SEMG2: variants seen among roughly 807,000 people sequenced by gnomAD.
SEMG2 encodes the protein semenogelin 2.
Under a neutral mutation model 8.1 loss-of-function variants are expected in SEMG2, and 3 were observed. The observed-to-expected ratio is 0.37, with a 90% CI of 0.17 to 0.96. The LOEUF is 0.96. Ranked by LOEUF, SEMG2 falls within the 40% of genes least tolerant of loss-of-function variation. The pLI is 0.41. For missense variants in SEMG2, 726 were observed against 671.2 expected (o/e 1.08, Z -0.90); for synonymous variants, 252 against 231.4 (o/e 1.09, Z -0.81).
In SEMG2 at chr20:45,222,523, A is replaced by G. The variant is rs769763385; in HGVS notation, c.891A>G (p.Gln297=). The G allele has an allele frequency of 1.7e-5, 28 of 1,613,840 alleles. No individual in the cohort carries two copies. The highest frequency in any genetic ancestry group is 3.3e-4 in the Middle Eastern group (2 of 6,084). The change falls in exon 2 of 3, where the codon CAA becomes CAG. Residue 297 remains glutamine (Q), a synonymous_variant. Coordinates refer to ENST00000372769, the MANE Select transcript of SEMG2 (RefSeq NM_003008.3). ...SYPSSRTEER[Q]LHHGEKSVQK... ...CGTCTTCACGTACAGAAGAAAGACA[A>G]CTTCACCATGGAGAAAAGAGTGTAC...
chr20:45,223,841 G>T (rs1984082333), intron 2 of SEMG2, among the ~76,000 whole-genome samples: 1 of 152,090 alleles, frequency 6.6e-6, no homozygotes, highest in African/African-American at 2.4e-5. Context: ...GCACATACAT[G>T]AATGTTCTTG....
rs570583844 is a variant in SEMG2, at chr20:45,222,469, T to C, written c.837T>C (p.His279=). The C allele has an allele frequency of 1.9e-6, 3 of 1,614,028 alleles. No homozygotes were observed. In the South Asian group the frequency reaches 3.3e-5, roughly 18 times the overall value. The part of the protein sequence containing the change: ...QTKNLSQDQE[H]GRKAHKISYP... ...AAAATCTCAGTCAAGATCAAGAGCA[T>C]GGCCGGAAGGCACATAAAATATCAT... is the stretch of plus-strand genomic sequence containing the variant. Residue 279 remains histidine, a synonymous_variant, in exon 2 of 3, where the codon CAT becomes CAC. Coordinates refer to ENST00000372769, the MANE Select transcript of SEMG2 (RefSeq NM_003008.3).
intron 2 of SEMG2, among the ~76,000 whole-genome samples, chr20:45,223,712 A>T (rs1984079860): frequency 6.6e-6 from 1 of 152,202 alleles, no homozygotes; most frequent in African/African-American, 2.4e-5. Context: ...TGCACTGACT[A>T]TATATGCATA....
At position 45,221,846 on chromosome 20, in the gene SEMG2, GA is replaced by G. The variant is rs1443545422; in HGVS notation, c.215del (p.Asp72AlafsTer16). 6.2e-7 allele frequency: 1 copy of G among 1,613,946 alleles called. No homozygotes were observed. Among genetic ancestry groups the G allele is most frequent in the African/African-American group, 1.3e-5 (1 of 74,904 alleles). On this transcript the variant is annotated frameshift_variant, in exon 2 of 3. Transcript: ENST00000372769. LOFTEE classifies it low-confidence loss of function (END_TRUNC). ...TTCTATTCAACACACATATCATGTA[GA>G]CATCAATGATCATGACTGGACCCGA... Reference protein sequence around the residue: ...SFSIQHTYHVDINDHDWTRKS... With the variant: ...SFSIQHTYHVXINDHDWTRKS...
rs779257637 is a variant in SEMG2 at position 45,223,179 on chromosome 20, A to AT, written c.1548dup (p.Gln517SerfsTer17). 2 of 1,614,168 alleles carry AT rather than the reference A, an allele frequency of 1.2e-6. No individual in the cohort carries two copies. Among genetic ancestry groups the AT allele is most frequent in the Admixed American group, 3.3e-5 (2 of 60,022 alleles). On this transcript the variant is annotated frameshift_variant, in exon 2 of 3. Coordinates refer to ENST00000372769, the MANE Select transcript of SEMG2 (RefSeq NM_003008.3). LOFTEE classifies it low-confidence loss of function (END_TRUNC). ...ATCCAGACACCAAATCCTAATCAAG[A>AT]TCAATGGTCTGGCCAAAATGCAAAA...
intron 1 of SEMG2, 69 bp from the exon 2 acceptor site, chr20:45,221,640 G>C: frequency 7.0e-7 from 1 of 1,431,614 alleles, no homozygotes; most frequent in Non-Finnish European, 9.6e-7. Context: ...TTGGGAAAAG[G>C]TGGGAGGTAA....
chr20:45,223,085 A>G lies in SEMG2; in HGVS notation c.1453A>G (p.Thr485Ala), dbSNP rs756192407. The G allele has an allele frequency of 3.1e-6, 5 of 1,614,094 alleles. No homozygotes were observed. The East Asian group carries it at 1.1e-4, about 36-fold the overall frequency. Residue 485 changes from threonine (T) to alanine (A), a missense_variant, in exon 2 of 3, where the codon ACG becomes GCG. Physicochemically the swap from Thr to Ala is moderately conservative, Grantham distance 58 (BLOSUM62 0). Transcript: ENST00000372769. ...ACGACTCAACTATGGAGGAAAGAGC[A>G]CGCAGAAAGATGTATCCCAAAGCAG... ...ERRLNYGGKS[T>A]QKDVSQSSIS...
At chr20:45,221,610 T>C in intron 1 of SEMG2, 99 bp from the exon 2 acceptor site, 1 of 1,404,210 alleles carries the variant, frequency 7.1e-7, no homozygotes, top group Non-Finnish European at 9.8e-7. Context: ...CTGTAGGCTT[T>C]TGGAAATATC....
rs549903123 is a variant in SEMG2, at chr20:45,221,564, TCTC to T, written c.76+102_76+104del. 2.9e-5 allele frequency: 42 copies of T among 1,439,534 alleles called. No homozygotes were observed. In the East Asian group the frequency reaches 8.9e-4, roughly 31 times the overall value. The allele number at this position is 1,439,534 out of a possible 1,614,324, so 89.2% of individuals were successfully genotyped here. A position where few individuals can be genotyped will look rare whatever the true frequency, so the allele number is the denominator to read the frequency against. On this transcript the variant is annotated intron_variant, in intron 1 of 2. Coordinates refer to ENST00000372769, the MANE Select transcript of SEMG2 (RefSeq NM_003008.3). ...AGTAACCTGTTCAGGCACAGATTCT[TCTC>T]CTTGATGAGAATTGATTTTTCTCCA...
In SEMG2 at chr20:45,222,960, AT is replaced by A; in HGVS notation, c.1329del (p.His443GlnfsTer8). 1 of 1,614,088 alleles carries A rather than the reference AT, an allele frequency of 6.2e-7. No homozygotes were observed. ...TCTATCCAAACTGAAGAGAAAATAC[AT>A]GGCAAGTCTCAAAACCAGGTAACAA... Reference protein sequence around the residue: ...SISIQTEEKIHGKSQNQVTIP... With the variant: ...SISIQTEEKIXGKSQNQVTIP... On this transcript the variant is annotated frameshift_variant, in exon 2 of 3. Coordinates refer to ENST00000372769, the MANE Select transcript of SEMG2 (RefSeq NM_003008.3). LOFTEE classifies it low-confidence loss of function (END_TRUNC).
intron 2 of SEMG2, 128 bp from the exon 3 acceptor site, chr20:45,224,163 T>G (rs1458210104): frequency 6.6e-6 from 1 of 152,528 alleles, no homozygotes; most frequent in Non-Finnish European, 1.5e-5. Context: ...TGATAACTAG[T>G]GACCTGGTGT....
Position 45,221,814 on chromosome 20 carries a change from G to T in SEMG2, c.182G>T (p.Gly61Val), listed in dbSNP as rs770984415. ...GACCAACAACATACTAAATCCAAAG[G>T]CAGTTTTTCTATTCAACACACATAT... Reference protein sequence around the residue: ...QKDQQHTKSKGSFSIQHTYHV... With the variant: ...QKDQQHTKSKVSFSIQHTYHV... Residue 61 changes from glycine to valine, a missense_variant, in exon 2 of 3, where the codon GGC becomes GTC. Transcript: ENST00000372769. 6.2e-7 allele frequency: 1 copy of T among 1,614,124 alleles called. No homozygotes were observed. The highest frequency in any genetic ancestry group is 1.1e-5 in the South Asian group (1 of 91,076).
At position 45,223,108 on chromosome 20, in the gene SEMG2, C is replaced by G; in HGVS notation, c.1476C>G (p.Ser492Arg). The change falls in exon 2 of 3, where the codon AGC (serine) becomes AGG (arginine). Residue 492 changes from serine to arginine, a missense_variant. Physicochemically the swap from Ser to Arg is moderately radical, Grantham distance 110. Transcript: ENST00000372769. ...GKSTQKDVSQ[S>R]SISFQIEKLV... ...GCACGCAGAAAGATGTATCCCAAAG[C>G]AGTATTTCTTTCCAAATTGAAAAGC... is the stretch of plus-strand genomic sequence containing the variant. 1 of 1,614,086 alleles carries G rather than the reference C, an allele frequency of 6.2e-7. No individual in the cohort carries two copies. The highest frequency in any genetic ancestry group is 8.5e-7 in the Non-Finnish European group (1 of 1,179,972).
Position 45,222,240 on chromosome 20 carries a change from T to G in SEMG2, c.608T>G (p.Val203Gly). 6.2e-7 allele frequency: 1 copy of G among 1,614,074 alleles called. No homozygotes were observed. Among genetic ancestry groups the G allele is most frequent in the Non-Finnish European group, 8.5e-7 (1 of 1,179,992 alleles). ...SYVLQTEELV[V>G]NKQQRETKNS... Reference sequence around the variant, plus strand: ...GTTCTCCAAACTGAAGAACTAGTAGTTAACAAACAACAACGTGAGACTAAA... The same window carrying G: ...GTTCTCCAAACTGAAGAACTAGTAGGTAACAAACAACAACGTGAGACTAAA... The change falls in exon 2 of 3, where the codon GTT becomes GGT. Residue 203 changes from valine (V) to glycine (G), a missense_variant. Val to Gly is a moderately radical substitution (Grantham distance 109). Coordinates refer to ENST00000372769, the MANE Select transcript of SEMG2 (RefSeq NM_003008.3).
chr20:45,222,148 T>C lies in SEMG2; in HGVS notation c.516T>C (p.Ser172=). 6.2e-7 allele frequency: 1 copy of C among 1,614,052 alleles called. No individual in the cohort carries two copies. The highest frequency in any genetic ancestry group is 8.5e-7 in the Non-Finnish European group (1 of 1,179,982). ...AAAGGCTATGGGTTCATGGACTAAGTAAAGAACAAGCTTCAGCCTCTGGTG... is the reference window on the plus strand; with the variant it reads ...AAAGGCTATGGGTTCATGGACTAAGCAAAGAACAAGCTTCAGCCTCTGGTG... ...TEKRLWVHGL[S]KEQASASGAQ... Residue 172 remains serine (S), a synonymous_variant, in exon 2 of 3, where the codon AGT becomes AGC. Transcript: ENST00000372769.
In SEMG2 at chr20:45,222,844, T is replaced by C. The variant is rs757135880; in HGVS notation, c.1212T>C (p.Asn404=). The C allele has an allele frequency of 8.7e-6, 14 of 1,612,890 alleles. No individual in the cohort carries two copies. The highest frequency in any genetic ancestry group is 1.2e-5 in the Non-Finnish European group (14 of 1,179,790). Residue 404 remains asparagine (N), a synonymous_variant, in exon 2 of 3, where the codon AAT becomes AAC. Coordinates refer to ENST00000372769, the MANE Select transcript of SEMG2 (RefSeq NM_003008.3). ...CTCAAGAGTATGGCCATAAGGAAAATAAAATATCATACCAATCTTCGAGTA... is the reference window on the plus strand; with the variant it reads ...CTCAAGAGTATGGCCATAAGGAAAACAAAATATCATACCAATCTTCGAGTA... ...SQAQEYGHKE[N]KISYQSSSTE...
chr20:45,223,419 T>C lies in SEMG2; in HGVS notation c.*38T>C. 1 of 1,464,248 alleles carries C rather than the reference T, an allele frequency of 6.8e-7. No homozygotes were observed. Among genetic ancestry groups the C allele is most frequent in the Non-Finnish European group, 9.4e-7 (1 of 1,065,000 alleles). 90.7% of individuals were successfully genotyped at this position (1,464,248 alleles called of 1,614,324 possible). On this transcript the variant is annotated 3_prime_UTR_variant, in exon 2 of 3. Transcript: ENST00000372769. ...GCAACCACTTGAAAAGCTGGACCAA[T>C]AGCAAGGTAAGTTTGCTTTTCTTAC...
rs148905318 is a variant in SEMG2, at chr20:45,222,100, C to T, written c.468C>T (p.Ser156=). 253 of 1,613,678 alleles carry T rather than the reference C, an allele frequency of 1.6e-4. No individual in the cohort carries two copies. The highest frequency in any genetic ancestry group is 1.9e-4 in the Non-Finnish European group (229 of 1,179,940). Residue 156 remains serine (S), a synonymous_variant, in exon 2 of 3, where the codon TCC becomes TCT. Transcript: ENST00000372769. ...QGNSPSGKGL[S]SQCSNTEKRL... ...ATAGCCCATCTGGAAAGGGATTATCCAGTCAATGTTCAAACACAGAAAAAA... is the reference window on the plus strand; with the variant it reads ...ATAGCCCATCTGGAAAGGGATTATCTAGTCAATGTTCAAACACAGAAAAAA...
rs778495029 is a variant in SEMG2 at position 45,222,436 on chromosome 20, C to T, written c.804C>T (p.His268=). ...DELLVYNKNQ[H]QTKNLSQDQE... is the part of the protein sequence containing the mutation. Reference sequence around the variant, plus strand: ...TCCTAGTATATAACAAGAATCAACACCAGACAAAAAATCTCAGTCAAGATC... The same window carrying T: ...TCCTAGTATATAACAAGAATCAACATCAGACAAAAAATCTCAGTCAAGATC... Residue 268 remains histidine, a synonymous_variant, in exon 2 of 3, where the codon CAC becomes CAT. Transcript: ENST00000372769. The T allele has an allele frequency of 1.2e-6, 2 of 1,614,028 alleles. No homozygotes were observed.
Sources: allele counts gnomAD v4.1 joint callset (sites outside exome capture counted in the v4.1 genomes callset), GRCh38; gene constraint gnomAD v4.1.1; transcripts MANE v1.5; gene names NCBI Gene and HGNC (gene_info 2026-07-23, HGNC 2026-07-21).